The following SMARCA4 variants were observed in gnomAD, a reference collection of about 807,000 sequenced individuals.
SMARCA4 encodes the protein SWI/SNF-related matrix-associated actin-dependent regulator of chromatin subfamily A member 4.
A neutral mutation model predicts 193.9 loss-of-function variants in SMARCA4; 31 were observed. That is an observed-to-expected ratio of 0.16 (90% CI 0.12 to 0.22). The LOEUF is 0.22. SMARCA4 is among the 10% of genes least tolerant of loss of function. The probability of loss-of-function intolerance (pLI) is 1.00; values close to 1 mark genes in which losing one functional copy is unlikely to be tolerated. For synonymous variants in SMARCA4, 942 were observed against 933.1 expected (o/e 1.01, Z -0.17); for missense variants, 1,148 against 2,296.0 (o/e 0.50, Z 10.22).
rs1274433803 is a variant in SMARCA4 at position 11,041,281 on chromosome 19, C to T, written c.4171-26C>T. The T allele has an allele frequency of 6.3e-7, 1 of 1,586,880 alleles. No individual in the cohort carries two copies. The highest frequency in any genetic ancestry group is 8.6e-7 in the Non-Finnish European group (1 of 1,164,262). Reference sequence around the variant, plus strand: ...CTTGTCGACCTGGGTGCTGGCTGTCCTATTTTACTACTATTGACCCTGAAG... The same window carrying T: ...CTTGTCGACCTGGGTGCTGGCTGTCTTATTTTACTACTATTGACCCTGAAG... On this transcript the variant is annotated intron_variant, in intron 29 of 34. Coordinates refer to ENST00000344626, the MANE Select transcript of SMARCA4 (RefSeq NM_003072.5). This position sits in a 1 kb window ranked among gnomAD's most constrained non-coding sequence, Gnocchi z 5.6.
chr19:11,012,586 T>C (rs1231828960), intron 15 of SMARCA4: 1 of 334,502 alleles, frequency 3.0e-6, no homozygotes, highest in Non-Finnish European at 5.8e-6. Context: ...GAAGCCCTCT[T>C]GGTTTCCTGA....
At chr19:10,961,729 G>C (rs1383804369) in intron 1 of SMARCA4, 1 of 152,204 alleles carries the variant, frequency 6.6e-6, no homozygotes, top group African/African-American at 2.4e-5. Context: ...TTCAAGGAAA[G>C]GTAAAGGACT....
chr19:10,996,132 G>A lies in SMARCA4; in HGVS notation c.1594-81G>A, dbSNP rs1030337969. 1.9e-5 allele frequency: 27 copies of A among 1,455,466 alleles called. No homozygotes were observed. In the African/African-American group the frequency reaches 1.9e-4, roughly 11 times the overall value. 90.2% of individuals were successfully genotyped at this position (1,455,466 alleles called of 1,614,324 possible). A position where few individuals can be genotyped will look rare whatever the true frequency, so the allele number is the denominator to read the frequency against. On this transcript the variant is annotated intron_variant, in intron 9 of 34. Transcript: ENST00000344626. ...CGTGAGCTACGCGTGCCCTCAGTGC[G>A]CTTCTGGATTGACTGGCCATGGGTG...
rs149562732 is a variant in SMARCA4, at chr19:11,034,140, C to G, written c.3891C>G (p.Pro1297=). 5.0e-4 allele frequency: 799 copies of G among 1,613,660 alleles called. 7 individuals carry two copies. Among genetic ancestry groups the G allele is most frequent in the East Asian group, 6.7e-5 (3 of 44,882 alleles). ...TCTTATAGGAGGAAGACGAGGTGCC[C>G]GACGACGAGACCGTCAACCAGATGA... ...EPPLKEEDEV[P]DDETVNQMIA... The change falls in exon 28 of 35, where the codon CCC becomes CCG. Residue 1297 remains proline (P), a synonymous_variant. Transcript: ENST00000344626. The surrounding 1 kb of genome is among the most constrained non-coding windows in gnomAD (Gnocchi z 7.0).
chr19:11,046,262 T>A (rs1433157454), intron 30 of SMARCA4, among the ~76,000 whole-genome samples: 1 of 151,888 alleles, frequency 6.6e-6, no homozygotes, highest in Non-Finnish European at 1.5e-5. Flanking sequence ...CTCTTACTGC[T>A]AAGTGACTGC....
intron 13 of SMARCA4, among the ~76,000 whole-genome samples, chr19:11,005,146 T>C (rs2088072736): frequency 6.6e-6 from 1 of 152,202 alleles, no homozygotes; most frequent in Admixed American, 6.5e-5. Flanking sequence ...TCTCCTATTT[T>C]TTTGCTTACC....
At chr19:11,017,994 C>T (rs1348065058) in intron 16 of SMARCA4, among the ~76,000 whole-genome samples, 2 of 152,256 alleles carry the variant, frequency 1.3e-5, no homozygotes, top group Non-Finnish European at 2.9e-5. Flanking sequence ...CCCCACGCTT[C>T]TTCAGGAACT....
intron 11 of SMARCA4, among the ~76,000 whole-genome samples, chr19:11,002,073 G>A (rs1002137606): frequency 2.0e-5 from 3 of 152,186 alleles, no homozygotes; most frequent in Non-Finnish European, 2.9e-5. Flanking sequence ...AAGTGGAAAC[G>A]TCTAAGTCCT....
In SMARCA4 at chr19:10,986,181, C is replaced by T. The variant is rs1263406844; in HGVS notation, c.356-8C>T. 6.2e-7 allele frequency: 1 copy of T among 1,611,400 alleles called. No homozygotes were observed. Among genetic ancestry groups the T allele is most frequent in the Non-Finnish European group, 8.5e-7 (1 of 1,177,782 alleles). ...CCGAGTGACCAGTGGGCTGACCTTT[C>T]TCTGCAGGTTACCCCTCGCCCCTGG... On this transcript the variant is annotated splice_region_variant and splice_polypyrimidine_tract_variant and intron_variant, in intron 3 of 34. Transcript: ENST00000344626. This position sits in a 1 kb window ranked among gnomAD's most constrained non-coding sequence, Gnocchi z 6.7.
intron 34 of SMARCA4, among the ~76,000 whole-genome samples, chr19:11,061,241 A>T (rs905900750): frequency 7.7e-5 from 10 of 129,100 alleles, no homozygotes; most frequent in African/African-American, 2.9e-4. Context: ...ATATATATAT[A>T]TGAAAGAGCA....
intron 1 of SMARCA4, among the ~76,000 whole-genome samples, chr19:10,964,218 C>T (rs2049717977): frequency 6.6e-6 from 1 of 152,114 alleles, no homozygotes; most frequent in Non-Finnish European, 1.5e-5. Context: ...CAGGAGATAA[C>T]CTTAGACCAT....
intron 9 of SMARCA4, chr19:10,995,606 A>G (rs2086964123): frequency 2.4e-6 from 1 of 418,038 alleles, no homozygotes; most frequent in Admixed American, 2.6e-5. Flanking sequence ...GCAGAGACCC[A>G]GGGAAGGAGC....
chr19:10,995,064 G>A (rs1429377632), intron 9 of SMARCA4, 63 bp downstream of exon 9: 5 of 1,463,464 alleles, frequency 3.4e-6, no homozygotes, highest in Non-Finnish European at 3.8e-6. Context: ...CGGGCTCCAG[G>A]GGTCACTCCC....
chr19:11,032,658 CT>C (rs1367853333), intron 25 of SMARCA4: 1 of 149,776 alleles, frequency 6.7e-6, no homozygotes, highest in Admixed American at 6.3e-5. Flanking sequence ...CAGAGCGAGA[CT>C]TTGTCTCAAA....
In SMARCA4 at chr19:10,976,576, C is replaced by T. The variant is rs146039283; in HGVS notation, c.-31-7545C>T. On this transcript the variant is annotated intron_variant, in intron 1 of 34. Transcript: ENST00000344626. Reference sequence around the variant, plus strand: ...TTTGAGACCAGCCTGGGCAACACGGCGAGACCTCATTTCTATAAAGAAATA... The same window carrying T: ...TTTGAGACCAGCCTGGGCAACACGGTGAGACCTCATTTCTATAAAGAAATA... 3.1e-3 allele frequency among the ~76,000 whole-genome samples: 470 copies of T among 151,762 alleles called. 3 individuals are homozygous for T. Among genetic ancestry groups the T allele is most frequent in the African/African-American group, 0.01 (423 of 41,376 alleles).
chr19:11,033,596 C>A lies in SMARCA4; in HGVS notation c.3774+79C>A. Reference sequence around the variant, plus strand: ...GCGGCTTTCATTTTTGTTTTTTTACCTTTTTTGCACTCTTATTTTTTTTGC... The same window carrying A: ...GCGGCTTTCATTTTTGTTTTTTTACATTTTTTGCACTCTTATTTTTTTTGC... On this transcript the variant is annotated intron_variant, in intron 26 of 34. Coordinates refer to ENST00000344626, the MANE Select transcript of SMARCA4 (RefSeq NM_003072.5). The surrounding 1 kb of genome is among the most constrained non-coding windows in gnomAD (Gnocchi z 9.8). 1 of 1,078,090 alleles carries A rather than the reference C, an allele frequency of 9.3e-7. No homozygotes were observed. Among genetic ancestry groups the A allele is most frequent in the Non-Finnish European group, 1.4e-6 (1 of 696,398 alleles). 66.8% of individuals were successfully genotyped at this position (1,078,090 alleles called of 1,614,324 possible).
intron 8 of SMARCA4, among the ~76,000 whole-genome samples, chr19:10,994,327 T>G (rs2086820657): frequency 1.4e-5 from 2 of 145,726 alleles, no homozygotes; most frequent in South Asian, 2.3e-4. Context: ...GGTTTTTTTT[T>G]TTTTTTTTTT....
At chr19:11,021,022 A>T (rs1215786258) in intron 18 of SMARCA4, 1 of 157,122 alleles carries the variant, frequency 6.4e-6, no homozygotes, top group Non-Finnish European at 1.4e-5. Context: ...AGGCCCAGGG[A>T]GCTGGGTATC....
chr19:11,006,456 C>T (rs573309676), intron 13 of SMARCA4, among the ~76,000 whole-genome samples: 39 of 152,248 alleles, frequency 2.6e-4, no homozygotes, highest in African/African-American at 8.2e-4. Context: ...AAAGTTGGTT[C>T]TAAGATATTT....
Sources: gnomAD v4.1 joint callset for allele counts (sites outside exome capture counted in the v4.1 genomes callset) on GRCh38, gnomAD v4.1.1 for gene constraint, Gnocchi (gnomAD v3.1) non-coding constraint, MANE v1.5 for transcripts, NCBI Gene and HGNC (gene_info 2026-07-23, HGNC 2026-07-21) for gene names.